The following JAZF1 variants were observed in gnomAD, a reference collection of about 807,000 sequenced individuals.
JAZF1 encodes the protein JAZF zinc finger 1, also known as juxtaposed with another zinc finger protein 1.
JAZF1 carries 8 observed loss-of-function variants against 26.4 expected under a neutral mutation model. That is an observed-to-expected ratio of 0.30 (90% CI 0.18 to 0.55). The LOEUF is 0.55. Among genes scored for constraint, JAZF1 ranks in the 20% least tolerant of loss-of-function variants. The pLI is 0.94. For missense variants in JAZF1, 199 were observed against 322.0 expected (o/e 0.62, Z 2.92); for synonymous variants, 126 against 122.3 (o/e 1.03, Z -0.20).
chr7:28,095,500 A>AC (rs1020175134), intron 1 of JAZF1, among the ~76,000 whole-genome samples: 1 of 151,960 alleles, frequency 6.6e-6, no homozygotes, highest in African/African-American at 2.4e-5. Flanking sequence ...GGGGGAAACC[A>AC]CCCCCATGAT....
In JAZF1 at chr7:27,917,955, G is replaced by A. The variant is rs114309296; in HGVS notation, c.189-22539C>T. Among the ~76,000 whole-genome samples the A allele has an allele frequency of 8.5e-3, 1,289 of 152,262 alleles. 25 individuals are homozygous for A. Among genetic ancestry groups the A allele is most frequent in the African/African-American group, 0.03 (1,239 of 41,560 alleles). ...GGTACTGCACTTCTTTGTTCCCCTT[G>A]AGGTTACATACGGGCAGATGACTTG... On this transcript the variant is annotated intron_variant, in intron 2 of 4. Transcript: ENST00000283928.
At chr7:27,851,757 A>C (rs757858494) in intron 3 of JAZF1, among the ~76,000 whole-genome samples, 1 of 152,226 alleles carries the variant, frequency 6.6e-6, no homozygotes, top group Non-Finnish European at 1.5e-5. Context: ...GCCTAAATTT[A>C]GCCTATTACA....
intron 4 of JAZF1, among the ~76,000 whole-genome samples, chr7:27,838,714 A>G (rs1423254586): frequency 6.6e-6 from 1 of 152,244 alleles, no homozygotes; most frequent in Non-Finnish European, 1.5e-5. Flanking sequence ...CGGGGCAGAA[A>G]GAGTCAGCTG....
intron 1 of JAZF1, among the ~76,000 whole-genome samples, chr7:28,131,325 A>ATG (rs1782790075): frequency 2.0e-5 from 3 of 152,112 alleles, no homozygotes; most frequent in Non-Finnish European, 4.4e-5. Context: ...AAAAAAAAAA[A>ATG]ATCTAAATGA....
intron 2 of JAZF1, among the ~76,000 whole-genome samples, chr7:27,944,393 G>C (rs1784897560): frequency 6.6e-6 from 1 of 152,160 alleles, no homozygotes; most frequent in Admixed American, 6.5e-5. Context: ...CCAACCATTT[G>C]CCATTTGGCT....
intron 2 of JAZF1, among the ~76,000 whole-genome samples, chr7:27,987,406 C>A (rs1424450724): frequency 1.3e-5 from 2 of 151,400 alleles, no homozygotes; most frequent in African/African-American, 4.9e-5. Flanking sequence ...AAGTGAGGAG[C>A]CCCTCCACCC....
intron 1 of JAZF1, among the ~76,000 whole-genome samples, chr7:28,093,326 C>A (rs772588370): frequency 1.3e-5 from 2 of 152,106 alleles, no homozygotes; most frequent in Non-Finnish European, 2.9e-5. Flanking sequence ...TTCCCTCACT[C>A]GACGCATTCT....
chr7:28,117,209 T>C (rs1784760929), intron 1 of JAZF1, among the ~76,000 whole-genome samples: 1 of 152,226 alleles, frequency 6.6e-6, no homozygotes, highest in African/African-American at 2.4e-5. Flanking sequence ...TTTAATCAGG[T>C]AAAAATACTT....
chr7:27,860,237 T>C (rs13223542), intron 3 of JAZF1, among the ~76,000 whole-genome samples: 3 of 152,364 alleles, frequency 2.0e-5, no homozygotes, highest in South Asian at 4.1e-4. Context: ...AAATATGCTG[T>C]AGGAACTTAA....
intron 4 of JAZF1, among the ~76,000 whole-genome samples, chr7:27,838,186 A>G (rs931027858): frequency 2.6e-5 from 4 of 152,176 alleles, no homozygotes; most frequent in Non-Finnish European, 4.4e-5. Flanking sequence ...TGAAATACAC[A>G]TGTTGATAAA....
rs762499534 is a variant in JAZF1, at chr7:27,840,329, G to A, written c.555+369C>T. Among the ~76,000 whole-genome samples the A allele has an allele frequency of 6.6e-6, 1 of 152,212 alleles. No homozygotes were observed. Among genetic ancestry groups the A allele is most frequent in the Non-Finnish European group, 1.5e-5 (1 of 68,040 alleles). On this transcript the variant is annotated intron_variant, in intron 4 of 4. Coordinates refer to ENST00000283928, the MANE Select transcript of JAZF1 (RefSeq NM_175061.4). This position sits in a 1 kb window ranked among gnomAD's most constrained non-coding sequence, Gnocchi z 5.1. ...CCGTGAGCCATCTGTAGGGCCATCC[G>A]TTGGGGAAGGTGCTTGGCAAATAAA...
intron 1 of JAZF1, among the ~76,000 whole-genome samples, chr7:28,114,094 A>C (rs1784703319): frequency 6.6e-6 from 1 of 152,220 alleles, no homozygotes; most frequent in Non-Finnish European, 1.5e-5. Flanking sequence ...GAAGAGAAGG[A>C]CAATGGGAAT....
intron 2 of JAZF1, among the ~76,000 whole-genome samples, chr7:27,916,392 T>C (rs943021504): frequency 2.6e-4 from 39 of 152,306 alleles, no homozygotes; most frequent in African/African-American, 8.9e-4. Flanking sequence ...TACTGAACCA[T>C]TGCTCCTAGG....
At chr7:28,153,328 A>T (rs1357328524) in intron 1 of JAZF1, among the ~76,000 whole-genome samples, 1 of 152,220 alleles carries the variant, frequency 6.6e-6, no homozygotes, top group Non-Finnish European at 1.5e-5. Flanking sequence ...CTAAAAAAAA[A>T]AATTAGCAAC....
intron 2 of JAZF1, among the ~76,000 whole-genome samples, chr7:27,926,966 T>C (rs977935459): frequency 1.1e-4 from 16 of 152,202 alleles, no homozygotes; most frequent in Admixed American, 9.8e-4. Flanking sequence ...CTGTAGATTC[T>C]CAGGGGACAG....
intron 1 of JAZF1, among the ~76,000 whole-genome samples, chr7:28,000,478 C>G (rs1786123672): frequency 6.6e-6 from 1 of 152,262 alleles, no homozygotes. Flanking sequence ...TAGATTGCTT[C>G]TAGGTGATAA....
rs1782864265 is a variant in JAZF1, at chr7:27,838,638, G to A, written c.555+2060C>T. On this transcript the variant is annotated intron_variant, in intron 4 of 4. Coordinates refer to ENST00000283928, the MANE Select transcript of JAZF1 (RefSeq NM_175061.4). ...TCTCTCCAGTACCCAAGCCAGCAAT[G>A]ATGCTGTGAATAAGATGAAATACTA... Among the ~76,000 whole-genome samples, 3 of 125,846 alleles carry A rather than the reference G, an allele frequency of 2.4e-5. No homozygotes were observed. The South Asian group carries it at 7.8e-4, about 33-fold the overall frequency. The allele number at this position is 125,846 out of a possible 152,430, so 82.6% of individuals were successfully genotyped here.
chr7:27,863,315 C>T (rs752171489), intron 3 of JAZF1, among the ~76,000 whole-genome samples: 4 of 152,118 alleles, frequency 2.6e-5, no homozygotes, highest in South Asian at 2.1e-4. Flanking sequence ...AATTAGAGAC[C>T]GGTGGCTATA....
chr7:28,080,665 C>G (rs1191186123), intron 1 of JAZF1, among the ~76,000 whole-genome samples: 2 of 152,068 alleles, frequency 1.3e-5, no homozygotes, highest in Non-Finnish European at 2.9e-5. Flanking sequence ...TAGGCAGGCT[C>G]AGGGAGAGGA....
Sources: allele counts gnomAD v4.1 joint callset (sites outside exome capture counted in the v4.1 genomes callset), GRCh38; gene constraint gnomAD v4.1.1; non-coding constraint Gnocchi (gnomAD v3.1); transcripts MANE v1.5; gene names NCBI Gene and HGNC (gene_info 2026-07-23, HGNC 2026-07-21).